Variants in ABCA8 observed in about 807,000 individuals in gnomAD.
ABCA8 encodes the protein ABC-type organic anion transporter ABCA8.
Under a neutral mutation model 192.3 loss-of-function variants are expected in ABCA8, and 177 were observed. The observed-to-expected ratio is 0.92, with a 90% CI of 0.81 to 1.04. The LOEUF (loss-of-function observed/expected upper bound fraction) is 1.04. ABCA8 is among the 50% of genes least tolerant of loss of function. The pLI is 0.00. For missense variants in ABCA8, 1,915 were observed against 1,904.8 expected (o/e 1.01, Z -0.10); for synonymous variants, 642 against 690.2 (o/e 0.93, Z 1.09).
rs2067927393 is a variant in ABCA8, at chr17:68,932,481, T to C, written c.604A>G (p.Met202Val). ...TTNHSVMEEL[M>V]SVTGKNMKMH... is the part of the protein sequence containing the mutation. ...TTCATATTTTTTCCAGTAACTGACA[T>C]CAGCTCCTCCATCACTGAGTGATTT... Residue 202 changes from methionine (M) to valine (V), a missense_variant, in exon 7 of 40, where the codon ATG becomes GTG. Physicochemically the swap from Met to Val is conservative, Grantham distance 21 (BLOSUM62 1). Coordinates refer to ENST00000586539, the MANE Select transcript of ABCA8 (RefSeq NM_001288985.2). 6.2e-7 allele frequency: 1 copy of C among 1,613,738 alleles called. No individual in the cohort carries two copies.
chr17:68,899,685 A>G (rs867563654), intron 21 of ABCA8, among the ~76,000 whole-genome samples: 1 of 152,118 alleles, frequency 6.6e-6, no homozygotes, highest in African/African-American at 2.4e-5. Context: ...AACATTCTCC[A>G]AGATGAGCTA....
At chr17:68,935,317 A>T (rs1018141459) in intron 5 of ABCA8, among the ~76,000 whole-genome samples, 1 of 141,152 alleles carries the variant, frequency 7.1e-6, no homozygotes, top group Admixed American at 6.9e-5. Flanking sequence ...GGGTTTCACC[A>T]TGTTGCCCAG....
chr17:68,905,890 C>G (rs543590491), intron 19 of ABCA8, among the ~76,000 whole-genome samples, 154 bp downstream of exon 19: 35 of 152,260 alleles, frequency 2.3e-4, no homozygotes, highest in African/African-American at 8.4e-4. Context: ...TTTTTAACTA[C>G]AAAGCAATGT....
At chr17:68,942,760 T>C (rs1241775215) in intron 2 of ABCA8, among the ~76,000 whole-genome samples, 1 of 152,166 alleles carries the variant, frequency 6.6e-6, no homozygotes. Flanking sequence ...TCTTTGGATA[T>C]TCTCCCTCAG....
intron 24 of ABCA8, among the ~76,000 whole-genome samples, chr17:68,888,952 G>T (rs1567831831): frequency 6.6e-6 from 1 of 152,194 alleles, no homozygotes; most frequent in Non-Finnish European, 1.5e-5. Context: ...CTCCAAAGGA[G>T]ACAAACAATG....
rs1468502061 is a variant in ABCA8 at position 68,867,939 on chromosome 17, C to G, written c.*146G>C. 2.4e-5 allele frequency: 16 copies of G among 656,204 alleles called. No homozygotes were observed. In the East Asian group the frequency reaches 4.4e-4, roughly 18 times the overall value. 40.6% of individuals were successfully genotyped at this position (656,204 alleles called of 1,614,324 possible). Reference sequence around the variant, plus strand: ...CTGTCCACACTGACATGGCACTTACCCAGCACCCGAACCTCCTCCTCCCAC... The same window carrying G: ...CTGTCCACACTGACATGGCACTTACGCAGCACCCGAACCTCCTCCTCCCAC... On this transcript the variant is annotated 3_prime_UTR_variant, in exon 40 of 40. Transcript: ENST00000586539.
chr17:68,920,773 A>G (rs1445741703), intron 13 of ABCA8, among the ~76,000 whole-genome samples: 1 of 152,118 alleles, frequency 6.6e-6, no homozygotes, highest in Non-Finnish European at 1.5e-5. Context: ...GAGTTCAACC[A>G]TTGTGGAAGT....
intron 37 of ABCA8, among the ~76,000 whole-genome samples, chr17:68,870,793 T>C (rs953985134): frequency 6.6e-6 from 1 of 152,212 alleles, no homozygotes; most frequent in African/African-American, 2.4e-5. Context: ...AGAATAGTGC[T>C]GCAATGAAAA....
At chr17:68,925,337 G>A (rs188774707) in intron 10 of ABCA8, among the ~76,000 whole-genome samples, 1 of 152,178 alleles carries the variant, frequency 6.6e-6, no homozygotes, top group African/African-American at 2.4e-5. Context: ...AAAAGAACAC[G>A]ATAAAATAAT....
intron 29 of ABCA8, among the ~76,000 whole-genome samples, chr17:68,883,312 CT>C (rs1252011915): frequency 2.6e-5 from 4 of 152,156 alleles, no homozygotes; most frequent in Non-Finnish European, 5.9e-5. Context: ...GAGCAAGATG[CT>C]TATGGTCACT....
At chr17:68,944,357 T>TAC (rs1470139309) in intron 2 of ABCA8, among the ~76,000 whole-genome samples, 7 of 53,410 alleles carry the variant, frequency 1.3e-4, no homozygotes, top group Admixed American at 3.2e-4. Context: ...TATATATATA[T>TAC]ATACACATAT....
chr17:68,912,483 A>T (rs1004511345), intron 17 of ABCA8, among the ~76,000 whole-genome samples: 2 of 152,068 alleles, frequency 1.3e-5, no homozygotes, highest in Admixed American at 1.3e-4. Context: ...TATAAGAGTC[A>T]TTGGCCTTAA....
chr17:68,891,719 C>T, intron 23 of ABCA8, 123 bp from the exon 24 acceptor site: 1 of 638,180 alleles, frequency 1.6e-6, no homozygotes, highest in Admixed American at 3.3e-5. Context: ...TTGAGATTCC[C>T]AGATTCCTTC....
chr17:68,929,853 T>C (rs2067810745), intron 7 of ABCA8, 151 bp from the exon 8 acceptor site: 6 of 738,100 alleles, frequency 8.1e-6, no homozygotes, highest in Non-Finnish European at 1.2e-5. Flanking sequence ...GATATATAAA[T>C]ACAAGGTAAA....
intron 24 of ABCA8, among the ~76,000 whole-genome samples, chr17:68,889,167 T>C (rs997352817): frequency 1.3e-5 from 2 of 152,216 alleles, no homozygotes; most frequent in Admixed American, 6.5e-5. Context: ...TACACTCTTT[T>C]TGTGGGCAAC....
chr17:68,929,138 A>T lies in ABCA8; in HGVS notation c.1036T>A (p.Phe346Ile), dbSNP rs768534000. 2.5e-6 allele frequency: 4 copies of T among 1,611,990 alleles called. No individual in the cohort carries two copies. The highest frequency in any genetic ancestry group is 1.7e-6 in the Non-Finnish European group (2 of 1,178,778). Reference sequence around the variant, plus strand: ...GGAAGGTGTCTGTACAGTGATGTGAACCCCAGACACCCCCAAAAGACAGTG... The same window carrying T: ...GGAAGGTGTCTGTACAGTGATGTGATCCCCAGACACCCCCAAAAGACAGTG... ...LLTVFWGCLGFTSLYRHLPAS... is the reference protein window; with the variant it reads ...LLTVFWGCLGITSLYRHLPAS... Residue 346 changes from phenylalanine to isoleucine, a missense_variant, in exon 9 of 40, where the codon TTC (phenylalanine) becomes ATC (isoleucine). Physicochemically the swap from Phe to Ile is conservative, Grantham distance 21. Coordinates refer to ENST00000586539, the MANE Select transcript of ABCA8 (RefSeq NM_001288985.2).
At chr17:68,920,389 C>T (rs1471032049) in intron 13 of ABCA8, among the ~76,000 whole-genome samples, 1 of 151,298 alleles carries the variant, frequency 6.6e-6, no homozygotes, top group African/African-American at 2.4e-5. Context: ...ACATGCACCC[C>T]CAAACCTAAA....
chr17:68,877,903 A>G (rs1370925496), intron 32 of ABCA8: 8 of 428,864 alleles, frequency 1.9e-5, no homozygotes, highest in African/African-American at 6.1e-5. Context: ...GAAAAATCCA[A>G]TATCCCATAA....
chr17:68,917,850 A>C (rs1314055802), intron 16 of ABCA8, among the ~76,000 whole-genome samples, 197 bp downstream of exon 16: 1 of 152,198 alleles, frequency 6.6e-6, no homozygotes, highest in Admixed American at 6.5e-5. Context: ...CTATGTGACC[A>C]AATTATACAA....
Sources: gnomAD v4.1 joint callset for allele counts (sites outside exome capture counted in the v4.1 genomes callset) on GRCh38, gnomAD v4.1.1 for gene constraint, MANE v1.5 for transcripts, NCBI Gene and HGNC (gene_info 2026-07-23, HGNC 2026-07-21) for gene names.